Variants in GPC5 observed in about 807,000 individuals in gnomAD.
GPC5 encodes glypican-5.
GPC5 carries 47 observed loss-of-function variants against 53.9 expected under a neutral mutation model. The observed-to-expected ratio is 0.87, with a 90% CI of 0.69 to 1.11. GPC5 has a LOEUF of 1.11. Among genes scored for constraint, GPC5 ranks in the 50% most tolerant of loss-of-function variants. The probability of loss-of-function intolerance (pLI) is 0.00; values close to 1 mark genes in which losing one functional copy is unlikely to be tolerated. For synonymous variants in GPC5, 286 were observed against 263.3 expected (o/e 1.09, Z -0.84); for missense variants, 748 against 713.1 (o/e 1.05, Z -0.56).
intron 2 of GPC5, among the ~76,000 whole-genome samples, chr13:91,532,354 A>G (rs900868334): frequency 2.0e-5 from 3 of 152,214 alleles, no homozygotes; most frequent in African/African-American, 7.2e-5. Flanking sequence ...GGTCCCAAAT[A>G]AATGAACTAA....
At chr13:92,778,854 C>T (rs1875916162) in intron 7 of GPC5, among the ~76,000 whole-genome samples, 1 of 152,128 alleles carries the variant, frequency 6.6e-6, no homozygotes, top group Non-Finnish European at 1.5e-5. Flanking sequence ...GGACTTCAAT[C>T]CCTGTCACTT....
intron 7 of GPC5, among the ~76,000 whole-genome samples, chr13:92,189,566 C>A (rs61967884): frequency 6.6e-6 from 1 of 151,978 alleles, no homozygotes; most frequent in African/African-American, 2.4e-5. Flanking sequence ...TCTTTTACAT[C>A]GTGTCTGCCT....
intron 2 of GPC5, among the ~76,000 whole-genome samples, chr13:91,622,070 T>A (rs1186351851): frequency 6.6e-6 from 1 of 152,102 alleles, no homozygotes; most frequent in East Asian, 1.9e-4. Flanking sequence ...GCTCAGCAAG[T>A]CTGCCCTTCC....
chr13:92,567,264 C>A (rs1882890465), intron 7 of GPC5, among the ~76,000 whole-genome samples: 1 of 152,132 alleles, frequency 6.6e-6, no homozygotes, highest in Non-Finnish European at 1.5e-5. Context: ...GAAAACCCAT[C>A]ATCTTTACCC....
At chr13:92,298,973 A>T (rs541031108) in intron 7 of GPC5, among the ~76,000 whole-genome samples, 9 of 152,254 alleles carry the variant, frequency 5.9e-5, no homozygotes, top group African/African-American at 1.9e-4. Context: ...TTTAGCAATA[A>T]TTTTTTTGAA....
intron 2 of GPC5, among the ~76,000 whole-genome samples, chr13:91,541,988 T>G (rs1405999121): frequency 6.7e-6 from 1 of 149,476 alleles, no homozygotes; most frequent in Admixed American, 6.7e-5. Context: ...TATTGTCACA[T>G]ATTGTGATTT....
intron 5 of GPC5, among the ~76,000 whole-genome samples, chr13:91,840,585 T>A (rs997081196): frequency 1.3e-5 from 2 of 151,976 alleles, no homozygotes; most frequent in Non-Finnish European, 2.9e-5. Context: ...AAACTGGCCC[T>A]GTTTGTTCCC....
rs1033940166 is a variant in GPC5 at position 92,363,589 on chromosome 13, G to A, written c.1561+218600G>A. 8.6e-5 allele frequency among the ~76,000 whole-genome samples: 13 copies of A among 151,664 alleles called. 2 individuals carry two copies. Among genetic ancestry groups the A allele is most frequent in the African/African-American group, 2.7e-4 (11 of 40,974 alleles). ...AGAGCTCAGTGGATAATGCTTGCTTGTCTGCTGCTCACCTCCTGCTATGCA... is the reference window on the plus strand; with the variant it reads ...AGAGCTCAGTGGATAATGCTTGCTTATCTGCTGCTCACCTCCTGCTATGCA... On this transcript the variant is annotated intron_variant, in intron 7 of 7. Coordinates refer to ENST00000377067, the MANE Select transcript of GPC5 (RefSeq NM_004466.6).
intron 7 of GPC5, among the ~76,000 whole-genome samples, chr13:92,212,367 T>C (rs970106632): frequency 6.6e-6 from 1 of 152,142 alleles, no homozygotes; most frequent in African/African-American, 2.4e-5. Flanking sequence ...TTATTTACAG[T>C]ATATTTTTTC....
At chr13:91,649,012 C>T (rs1332603527) in intron 2 of GPC5, among the ~76,000 whole-genome samples, 1 of 152,078 alleles carries the variant, frequency 6.6e-6, no homozygotes, top group African/African-American at 2.4e-5. Context: ...GAGCGGTTAC[C>T]CCCATGCCGC....
intron 5 of GPC5, among the ~76,000 whole-genome samples, chr13:91,859,233 C>T (rs1266577085): frequency 6.6e-6 from 1 of 151,506 alleles, no homozygotes; most frequent in Non-Finnish European, 1.5e-5. Context: ...TAAGGTGTAT[C>T]ATCAGGTTAT....
At chr13:92,285,421 C>T (rs1482488394) in intron 7 of GPC5, among the ~76,000 whole-genome samples, 3 of 152,128 alleles carry the variant, frequency 2.0e-5, no homozygotes, top group Non-Finnish European at 2.9e-5. Context: ...AAAAAAGAGC[C>T]CACATTGCCA....
intron 7 of GPC5, among the ~76,000 whole-genome samples, chr13:92,561,877 A>C (rs1191785307): frequency 6.6e-6 from 1 of 152,072 alleles, no homozygotes; most frequent in African/African-American, 2.4e-5. Flanking sequence ...ATATTTAGAA[A>C]GGAACGAAGA....
intron 6 of GPC5, among the ~76,000 whole-genome samples, chr13:92,099,897 C>T (rs1329965968): frequency 1.3e-5 from 2 of 152,040 alleles, no homozygotes; most frequent in Non-Finnish European, 2.9e-5. Flanking sequence ...GAAGATTAAC[C>T]TGTACAGGCC....
Position 92,383,002 on chromosome 13 carries a change from C to CAAA in GPC5, c.1561+238034_1561+238036dup, listed in dbSNP as rs57654180. ...TGGGCTACAGAGCAAGACTCCGTCTCAAAAAAAAAAAAAAAAAAAAAAAGG... is the reference window on the plus strand; with the variant it reads ...TGGGCTACAGAGCAAGACTCCGTCTCAAAAAAAAAAAAAAAAAAAAAAAAAAGG... On this transcript the variant is annotated intron_variant, in intron 7 of 7. Transcript: ENST00000377067. Among the ~76,000 whole-genome samples, 20 of 94,768 alleles carry CAAA rather than the reference C, an allele frequency of 2.1e-4. 1 individual carries two copies. Among genetic ancestry groups the CAAA allele is most frequent in the Admixed American group, 2.5e-4 (2 of 8,136 alleles). 62.2% of individuals were successfully genotyped at this position (94,768 alleles called of 152,430 possible).
At chr13:91,515,740 G>T (rs1447830293) in intron 2 of GPC5, among the ~76,000 whole-genome samples, 1 of 150,048 alleles carries the variant, frequency 6.7e-6, no homozygotes, top group African/African-American at 2.4e-5. Flanking sequence ...CTCCCATTTG[G>T]GATAGTCTTC....
chr13:92,514,796 G>A lies in GPC5; in HGVS notation c.1562-351486G>A, dbSNP rs142241131. 3.7e-3 allele frequency among the ~76,000 whole-genome samples: 565 copies of A among 152,176 alleles called. 1 individual carries two copies. The highest frequency in any genetic ancestry group is 0.024 in the Middle Eastern group (7 of 294). On this transcript the variant is annotated intron_variant, in intron 7 of 7. Transcript: ENST00000377067. ...ATCTAGTGAGTCAGACAAATAACCC[G>A]TAAGACCCATTCGGCCTTCTCCAAT...
intron 2 of GPC5, among the ~76,000 whole-genome samples, chr13:91,536,602 A>G (rs1255295872): frequency 6.6e-6 from 1 of 152,148 alleles, no homozygotes; most frequent in Admixed American, 6.6e-5. Flanking sequence ...TGAGGGAAGG[A>G]TCTACTTTGA....
Position 92,124,192 on chromosome 13 carries a change from T to C in GPC5, c.1402-20638T>C, listed in dbSNP as rs1334550325. ...TATTCATGTAATAAAATCTTAGCAA[T>C]CCCTGCAATAATCTGCCAGAATTAT... is the stretch of plus-strand genomic sequence containing the variant. On this transcript the variant is annotated intron_variant, in intron 6 of 7. Transcript: ENST00000377067. Among the ~76,000 whole-genome samples the C allele has an allele frequency of 2.4e-5, 3 of 124,770 alleles. No homozygotes were observed. In the Admixed American group the frequency reaches 2.9e-4, roughly 12 times the overall value. 81.9% of individuals were successfully genotyped at this position (124,770 alleles called of 152,430 possible).
Sources: gnomAD v4.1 joint callset for allele counts (sites outside exome capture counted in the v4.1 genomes callset) on GRCh38, gnomAD v4.1.1 for gene constraint, MANE v1.5 for transcripts, NCBI Gene and HGNC (gene_info 2026-07-23, HGNC 2026-07-21) for gene names.